Variants in RASGRF1 observed in about 807,000 individuals in gnomAD.
RASGRF1 encodes Ras protein specific guanine nucleotide releasing factor 1.
Under a neutral mutation model 138.7 loss-of-function variants are expected in RASGRF1, and 40 were observed. That is an observed-to-expected ratio of 0.29 (90% CI 0.22 to 0.38). The LOEUF is 0.38. Ranked by LOEUF, RASGRF1 falls within the 10% of genes least tolerant of loss-of-function variation. The pLI, the probability that RASGRF1 is intolerant of heterozygous loss-of-function variation, is 1.00. For synonymous variants in RASGRF1, 614 were observed against 663.2 expected, an observed-to-expected ratio of 0.93 and a Z score of 1.14; for missense variants, 1,108 against 1,650.4, an observed-to-expected ratio of 0.67 and a Z score of 5.69.
intron 1 of RASGRF1, among the ~76,000 whole-genome samples, chr15:79,079,985 C>T (rs944319679): frequency 5.9e-5 from 9 of 152,212 alleles, no homozygotes; most frequent in East Asian, 5.8e-4. Context: ...CCAGCAGATG[C>T]GACTCATGGG....
chr15:78,991,883 C>T, intron 20 of RASGRF1, 89 bp from the exon 21 acceptor site: 3 of 1,037,366 alleles, frequency 2.9e-6, no homozygotes, highest in Non-Finnish European at 3.0e-6. Context: ...GGGTATCTCG[C>T]CCTCGAATTG....
chr15:78,999,520 A>G (rs1409329830), intron 17 of RASGRF1, among the ~76,000 whole-genome samples: 1 of 152,094 alleles, frequency 6.6e-6, no homozygotes, highest in Non-Finnish European at 1.5e-5. Context: ...GCGGTGCCCA[A>G]GCCAAAATAA....
intron 4 of RASGRF1, among the ~76,000 whole-genome samples, chr15:79,048,980 C>T (rs2057392236): frequency 6.6e-6 from 1 of 152,208 alleles, no homozygotes; most frequent in African/African-American, 2.4e-5. Flanking sequence ...TCCTTGGTAG[C>T]TTCTGAGATG....
In RASGRF1 at chr15:78,995,924, G is replaced by A. The variant is rs193099764; in HGVS notation, c.2967-124C>T. On this transcript the variant is annotated intron_variant, in intron 19 of 26. Transcript: ENST00000558480. ...CTGTCCTCGTCATCCCCATTGCCAG[G>A]AGCACCCTTTCCCCTTCCTCCTTCA... The A allele has an allele frequency of 4.1e-4, 362 of 880,482 alleles. 1 individual carries two copies. The highest frequency in any genetic ancestry group is 6.5e-4 in the Middle Eastern group (2 of 3,094). The allele number at this position is 880,482 out of a possible 1,614,324, so 54.5% of individuals were successfully genotyped here.
At chr15:78,968,366 G>A (rs1187298937) in intron 26 of RASGRF1, among the ~76,000 whole-genome samples, 1 of 151,638 alleles carries the variant, frequency 6.6e-6, no homozygotes, top group Non-Finnish European at 1.5e-5. Context: ...TGAACTCCTG[G>A]GCTCAAGTGA....
rs945528868 is a variant in RASGRF1, at chr15:79,073,888, C to T, written c.277-9362G>A. ...TCCACCCCAGACCTCTGTTTTGAAACAAGCCCCCCAGGTGATCCTGCTGCA... is the reference window on the plus strand; with the variant it reads ...TCCACCCCAGACCTCTGTTTTGAAATAAGCCCCCCAGGTGATCCTGCTGCA... On this transcript the variant is annotated intron_variant, in intron 1 of 26. Transcript: ENST00000558480. The surrounding 1 kb of genome is among the most constrained non-coding windows in gnomAD (Gnocchi z 4.2). Among the ~76,000 whole-genome samples, 1 of 152,220 alleles carries T rather than the reference C, an allele frequency of 6.6e-6. No homozygotes were observed. Among genetic ancestry groups the T allele is most frequent in the Non-Finnish European group, 1.5e-5 (1 of 68,030 alleles).
chr15:79,069,223 C>T (rs2057722507), intron 1 of RASGRF1, among the ~76,000 whole-genome samples: 1 of 152,204 alleles, frequency 6.6e-6, no homozygotes, highest in African/African-American at 2.4e-5. Flanking sequence ...TGAACAGACA[C>T]ATGAATGCTT....
chr15:78,989,488 C>T (rs937435267), intron 22 of RASGRF1, among the ~76,000 whole-genome samples: 11 of 151,656 alleles, frequency 7.3e-5, no homozygotes, highest in African/African-American at 2.7e-4. Flanking sequence ...ATTCGCTCAG[C>T]ACTGTGGCCT....
intron 1 of RASGRF1, among the ~76,000 whole-genome samples, chr15:79,089,497 C>A (rs2058024384): frequency 6.6e-6 from 1 of 152,240 alleles, no homozygotes; most frequent in Admixed American, 6.5e-5. Context: ...GCGGCGGCGG[C>A]GGCGCAGGGG....
intron 9 of RASGRF1, among the ~76,000 whole-genome samples, chr15:79,026,911 G>T (rs28494503): frequency 2.9e-4 from 44 of 152,030 alleles, no homozygotes; most frequent in African/African-American, 9.6e-4. Context: ...AAGGATGTAG[G>T]GGCCACCACA....
chr15:78,966,017 G>A (rs1179586361), intron 26 of RASGRF1, among the ~76,000 whole-genome samples: 1 of 151,944 alleles, frequency 6.6e-6, no homozygotes, highest in Non-Finnish European at 1.5e-5. Flanking sequence ...AGAGGGAGGA[G>A]CCCCAGAGAT....
intron 22 of RASGRF1, 22 bp from the exon 23 acceptor site, chr15:78,985,226 C>T (rs1338190566): frequency 6.5e-7 from 1 of 1,549,578 alleles, no homozygotes; most frequent in Non-Finnish European, 8.9e-7. Flanking sequence ...TGCAATAAGA[C>T]AGGGAAAAAG....
intron 23 of RASGRF1, among the ~76,000 whole-genome samples, chr15:78,983,950 G>C (rs1253017048): frequency 6.6e-6 from 1 of 152,232 alleles, no homozygotes; most frequent in Non-Finnish European, 1.5e-5. Context: ...GCTGTCATCA[G>C]GGGCTGGAGT....
chr15:79,083,326 GA>G (rs1304855077), intron 1 of RASGRF1, among the ~76,000 whole-genome samples: 1 of 152,202 alleles, frequency 6.6e-6, no homozygotes, highest in Non-Finnish European at 1.5e-5. Flanking sequence ...CAGTGTTCTG[GA>G]CCTCTCTCAA....
intron 13 of RASGRF1, chr15:79,012,465 A>G: frequency 1.4e-6 from 2 of 1,479,936 alleles, no homozygotes; most frequent in Non-Finnish European, 9.4e-7. Context: ...TAAACGATGA[A>G]TTTCCCGAGG....
intron 26 of RASGRF1, among the ~76,000 whole-genome samples, chr15:78,964,668 A>G (rs1287877605): frequency 6.6e-6 from 1 of 152,150 alleles, no homozygotes; most frequent in Non-Finnish European, 1.5e-5. Context: ...ACAAACACAG[A>G]CCCTCAAATA....
At chr15:79,043,534 C>T (rs575473897) in intron 5 of RASGRF1, among the ~76,000 whole-genome samples, 2 of 152,300 alleles carry the variant, frequency 1.3e-5, no homozygotes, top group African/African-American at 4.8e-5. Flanking sequence ...TTTCTGATGA[C>T]CTCTAGAGTC....
At chr15:79,039,292 G>A (rs1336530218) in intron 5 of RASGRF1, among the ~76,000 whole-genome samples, 2 of 84,024 alleles carry the variant, frequency 2.4e-5, no homozygotes, top group Non-Finnish European at 4.0e-5. Flanking sequence ...GTGAGACCCT[G>A]TCTCAAAAAA....
chr15:79,081,689 T>C (rs2057916141), intron 1 of RASGRF1, among the ~76,000 whole-genome samples: 1 of 152,162 alleles, frequency 6.6e-6, no homozygotes, highest in East Asian at 1.9e-4. Context: ...CACTGCATTG[T>C]CACTGTCTGT....
Sources: gnomAD v4.1 joint callset for allele counts (sites outside exome capture counted in the v4.1 genomes callset) on GRCh38, gnomAD v4.1.1 for gene constraint, Gnocchi (gnomAD v3.1) non-coding constraint, MANE v1.5 for transcripts, NCBI Gene and HGNC (gene_info 2026-07-23, HGNC 2026-07-21) for gene names.